Variants in PRDM11 observed in about 807,000 individuals in gnomAD.
PRDM11 encodes the protein PR domain-containing protein 11.
PRDM11 carries 20 observed loss-of-function variants against 97.8 expected under a neutral mutation model. The observed-to-expected ratio is 0.20, with a 90% CI of 0.14 to 0.30. PRDM11 has a LOEUF of 0.30. Among genes scored for constraint, PRDM11 ranks in the 10% least tolerant of loss-of-function variants. The pLI is 1.00. For missense variants in PRDM11, 1,139 were observed against 1,555.2 expected (o/e 0.73, Z 4.50); for synonymous variants, 599 against 637.7 (o/e 0.94, Z 0.91).
At chr11:45,100,618 G>A (rs527288272) in intron 1 of PRDM11, among the ~76,000 whole-genome samples, 1 of 152,278 alleles carries the variant, frequency 6.6e-6, no homozygotes, top group African/African-American at 2.4e-5. Context: ...TCCTCCATAG[G>A]TCCGTGGTAT....
chr11:45,189,905 G>A (rs557012734), intron 4 of PRDM11, among the ~76,000 whole-genome samples: 9 of 152,102 alleles, frequency 5.9e-5, no homozygotes, highest in Non-Finnish European at 1.3e-4. Flanking sequence ...GAAAAGGGGC[G>A]TTTGAGACAG....
At chr11:45,144,587 T>C (rs560587826), upstream of PRDM11, among the ~76,000 whole-genome samples, 19 of 152,330 alleles carry the variant, frequency 1.2e-4, no homozygotes, top group East Asian at 1.5e-3. Flanking sequence ...CCCTCCTTTA[T>C]CTACTTCTCT....
rs1854320594 is a variant in PRDM11, at chr11:45,228,105, G to C, written c.3480G>C (p.Gln1160His). The C allele has an allele frequency of 1.3e-6, 2 of 1,533,690 alleles. No individual in the cohort carries two copies. The highest frequency in any genetic ancestry group is 1.7e-6 in the Non-Finnish European group (2 of 1,146,714). ...TCAGTAGGATGTCTGCGCTGGAGCA[G>C]AAGCCAGCACTACAGACCATGGACC... ...EVLSRMSALEQKPALQTMDHG... is the reference protein window; with the variant it reads ...EVLSRMSALEHKPALQTMDHG... The change falls in exon 8 of 8, where the codon CAG becomes CAC. Residue 1160 changes from glutamine to histidine, a missense_variant. Transcript: ENST00000683152.
chr11:45,188,086 C>T (rs1047890090), intron 4 of PRDM11, among the ~76,000 whole-genome samples: 5 of 152,154 alleles, frequency 3.3e-5, no homozygotes, highest in African/African-American at 7.2e-5. Flanking sequence ...CCTGCAAAAG[C>T]TCTGGCCCCC....
intron 4 of PRDM11, among the ~76,000 whole-genome samples, chr11:45,190,866 G>A (rs1279501579): frequency 6.6e-6 from 1 of 152,026 alleles, no homozygotes; most frequent in African/African-American, 2.4e-5. Flanking sequence ...TATAAAAACA[G>A]ACAATGGGGG....
chr11:45,128,853 T>C (rs1481939067), intron 1 of PRDM11, among the ~76,000 whole-genome samples: 1 of 152,174 alleles, frequency 6.6e-6, no homozygotes, highest in Non-Finnish European at 1.5e-5. Flanking sequence ...TTTATTATTA[T>C]ATTTTATAAG....
At chr11:45,126,587 C>T (rs1389550113) in intron 1 of PRDM11, among the ~76,000 whole-genome samples, 2 of 152,092 alleles carry the variant, frequency 1.3e-5, no homozygotes, top group African/African-American at 4.8e-5. Context: ...ATTTCTCCTT[C>T]GCTTATGAAG....
intron 1 of PRDM11, among the ~76,000 whole-genome samples, chr11:45,139,840 G>T (rs931001453): frequency 3.3e-5 from 5 of 152,172 alleles, no homozygotes; most frequent in Non-Finnish European, 7.3e-5. Flanking sequence ...CATCTTAGTG[G>T]CTCTCGTGTC....
chr11:45,190,215 C>T (rs1454395768), intron 4 of PRDM11, among the ~76,000 whole-genome samples: 1 of 151,648 alleles, frequency 6.6e-6, no homozygotes, highest in African/African-American at 2.4e-5. Context: ...GGCATGATCT[C>T]AGCTCACTGC....
At chr11:45,109,061 A>G (rs7478881) in intron 1 of PRDM11, among the ~76,000 whole-genome samples, 59,888 of 152,176 alleles carry the variant, frequency 0.39, 14,705 homozygotes, top group African/African-American at 0.68. Flanking sequence ...CCCTGGCCAC[A>G]GGCCTCTGGG....
intron 4 of PRDM11, among the ~76,000 whole-genome samples, chr11:45,183,635 A>G (rs932544914): frequency 6.6e-6 from 1 of 152,222 alleles, no homozygotes; most frequent in Non-Finnish European, 1.5e-5. Context: ...ATGTGATATC[A>G]GTTGCAACAC....
intron 1 of PRDM11, among the ~76,000 whole-genome samples, chr11:45,139,819 G>T (rs576424305): frequency 6.6e-6 from 1 of 152,272 alleles, no homozygotes; most frequent in East Asian, 1.9e-4. Flanking sequence ...AGGGACTGTA[G>T]GTGTCTCACT....
chr11:45,097,515 G>T (rs1323900606), intron 1 of PRDM11, among the ~76,000 whole-genome samples: 10 of 145,538 alleles, frequency 6.9e-5, no homozygotes, highest in African/African-American at 2.7e-4. Flanking sequence ...AAGCTCAGGG[G>T]TGGAACAAAT....
At position 45,226,249 on chromosome 11, in the gene PRDM11, A is replaced by G; in HGVS notation, c.1624A>G (p.Thr542Ala). 1 of 1,533,942 alleles carries G rather than the reference A, an allele frequency of 6.5e-7. No homozygotes were observed. The highest frequency in any genetic ancestry group is 8.7e-7 in the Non-Finnish European group (1 of 1,146,736). Reference protein sequence around the residue: ...CRQYTVQSSRTSAFIIGSKQF... With the variant: ...CRQYTVQSSRASAFIIGSKQF... Reference sequence around the variant, plus strand: ...CCAGTACACGGTGCAGTCCTCACGCACCTCGGCCTTCATCATTGGCTCCAA... The same window carrying G: ...CCAGTACACGGTGCAGTCCTCACGCGCCTCGGCCTTCATCATTGGCTCCAA... Residue 542 changes from threonine to alanine, a missense_variant, in exon 8 of 8, where the codon ACC becomes GCC. By Grantham distance (58) the Thr-to-Ala change is moderately conservative. Around this residue, in one of 2 missense-constraint regions of PRDM11, gnomAD observed 710 missense variants for 1,044.9 expected, o/e 0.68. Transcript: ENST00000683152.
chr11:45,116,637 T>G (rs921464025), intron 1 of PRDM11, among the ~76,000 whole-genome samples: 7 of 152,220 alleles, frequency 4.6e-5, no homozygotes, highest in African/African-American at 1.7e-4. Flanking sequence ...CAGCTAAAAG[T>G]GCTTAGAAAT....
intron 1 of PRDM11, among the ~76,000 whole-genome samples, chr11:45,151,862 C>T (rs1431428047): frequency 1.3e-5 from 2 of 151,960 alleles, no homozygotes; most frequent in Non-Finnish European, 2.9e-5. Context: ...GTAGTTCATT[C>T]GGGTAGAGAG....
intron 1 of PRDM11, among the ~76,000 whole-genome samples, chr11:45,136,134 G>A (rs1852837503): frequency 6.6e-6 from 1 of 152,214 alleles, no homozygotes; most frequent in Non-Finnish European, 1.5e-5. Flanking sequence ...CAGGGTATAT[G>A]AGAACTCTTT....
chr11:45,112,283 T>C lies in PRDM11; in HGVS notation c.96+16382T>C, dbSNP rs578221478. 3.3e-5 allele frequency among the ~76,000 whole-genome samples: 5 copies of C among 152,368 alleles called. No individual in the cohort carries two copies. The South Asian group carries it at 8.3e-4, about 25-fold the overall frequency. On this transcript the variant is annotated intron_variant, in intron 1 of 6. Transcript: ENST00000530656. ...GCTGCAAAAGACATTATTTCATTCT[T>C]ATGGCTGAGTAATATTCCATGGTGT...
At chr11:45,118,626 C>T (rs1565234174) in intron 1 of PRDM11, among the ~76,000 whole-genome samples, 1 of 152,164 alleles carries the variant, frequency 6.6e-6, no homozygotes, top group Admixed American at 6.5e-5. Context: ...AAGGATTTGA[C>T]AGAATTTAAC....
Sources: allele counts gnomAD v4.1 joint callset (sites outside exome capture counted in the v4.1 genomes callset), GRCh38; gene constraint gnomAD v4.1.1; regional missense constraint gnomAD v4.1.1; transcripts MANE v1.5; gene names NCBI Gene and HGNC (gene_info 2026-07-23, HGNC 2026-07-21).